Variants in TRPM3 observed in about 807,000 individuals in gnomAD.
The protein encoded by TRPM3 is transient receptor potential cation channel subfamily M member 3, also known as long transient receptor potential channel 3.
In TRPM3, 77 loss-of-function variants were observed where a neutral mutation model predicts 181.2. The observed-to-expected ratio is 0.42, with a 90% CI of 0.35 to 0.51. TRPM3 has a LOEUF of 0.51. TRPM3 is among the 20% of genes least tolerant of loss of function. The probability of loss-of-function intolerance (pLI) is 0.01; values close to 1 mark genes in which losing one functional copy is unlikely to be tolerated. For synonymous variants in TRPM3, 745 were observed against 796.4 expected, an observed-to-expected ratio of 0.94 and a Z score of 1.09; for missense variants, 1,759 against 2,196.7, an observed-to-expected ratio of 0.80 and a Z score of 3.98.
intron 22 of TRPM3, among the ~76,000 whole-genome samples, chr9:70,573,394 A>G (rs1588635720): frequency 1.3e-5 from 2 of 152,252 alleles, no homozygotes; most frequent in South Asian, 4.1e-4. Context: ...GTGTATTTAA[A>G]TGTAAAATGG....
intron 1 of TRPM3, among the ~76,000 whole-genome samples, chr9:71,065,882 A>T (rs1220994702): frequency 1.3e-5 from 2 of 152,172 alleles, no homozygotes; most frequent in East Asian, 3.8e-4. Context: ...CTAGAGACTG[A>T]TATGCTAGAA....
At chr9:71,096,590 A>ACACACACACACTCTCTCTCTCTCTCTCT (rs1452142664) in intron 1 of TRPM3, among the ~76,000 whole-genome samples, 3 of 90,044 alleles carry the variant, frequency 3.3e-5, no homozygotes, top group African/African-American at 1.5e-4. Context: ...ACACACACAC[A>ACACACACACACTCTCTCTCTCTCTCTCT]CTCTCTCTCT....
chr9:70,562,187 G>T (rs1347400307), intron 22 of TRPM3, among the ~76,000 whole-genome samples: 1 of 152,124 alleles, frequency 6.6e-6, no homozygotes, highest in Non-Finnish European at 1.5e-5. Context: ...TAGTGAATGG[G>T]GGTATGTGGT....
intron 1 of TRPM3, among the ~76,000 whole-genome samples, chr9:70,922,483 T>C (rs1337156110): frequency 6.6e-6 from 1 of 152,218 alleles, no homozygotes; most frequent in African/African-American, 2.4e-5. Context: ...AATTTATATC[T>C]TCATAAAGCT....
rs547766519 is a variant in TRPM3 at position 70,991,782 on chromosome 9, C to G, written c.178-127271G>C. 1.0e-3 allele frequency among the ~76,000 whole-genome samples: 159 copies of G among 152,112 alleles called. 2 individuals carry two copies. The highest frequency in any genetic ancestry group is 1.8e-3 in the Non-Finnish European group (125 of 68,008). On this transcript the variant is annotated intron_variant, in intron 1 of 25. Coordinates refer to ENST00000677713, the MANE Select transcript of TRPM3 (RefSeq NM_001366145.2). ...TAGAAGGCCTTCCGTGATCTCCAAG[C>G]CTCCCTCAGCTGCCTCATCACTGGT...
intron 1 of TRPM3, among the ~76,000 whole-genome samples, chr9:71,311,597 TACAAA>T (rs1447660878): frequency 6.6e-6 from 1 of 151,982 alleles, no homozygotes; most frequent in African/African-American, 2.4e-5. Flanking sequence ...CTTTTAATCT[TACAAA>T]ACAAAAGTAA....
At chr9:71,178,383 AG>A (rs2077221858) in intron 1 of TRPM3, among the ~76,000 whole-genome samples, 1 of 152,138 alleles carries the variant, frequency 6.6e-6, no homozygotes. Flanking sequence ...TTGAAATGAA[AG>A]GGGGAGTAAA....
At chr9:70,632,368 C>T (rs2066022567) in intron 12 of TRPM3, among the ~76,000 whole-genome samples, 1 of 152,220 alleles carries the variant, frequency 6.6e-6, no homozygotes, top group African/African-American at 2.4e-5. Context: ...TCATTTTCAG[C>T]TCCCTTAATC....
intron 1 of TRPM3, among the ~76,000 whole-genome samples, chr9:71,202,222 C>T (rs567848312): frequency 2.0e-5 from 3 of 152,162 alleles, no homozygotes; most frequent in African/African-American, 4.8e-5. Flanking sequence ...GGCCATGTGA[C>T]GTGTCAGTCT....
Position 70,843,072 on chromosome 9 carries a change from T to A in TRPM3, c.732A>T (p.Gly244=), listed in dbSNP as rs1190796193. 1 of 1,613,634 alleles carries A rather than the reference T, an allele frequency of 6.2e-7. No homozygotes were observed. ...GGGCAATACCTATGGTGCATATCTT[T>A]CCTCGAGACTTAGAGGCATGATCCT... ...ALKDHASKSR[G]KICTIGIAPW... The change falls in exon 5 of 26, where the codon GGA becomes GGT. Residue 244 remains glycine (G), a synonymous_variant. Transcript: ENST00000677713.
intron 3 of TRPM3, among the ~76,000 whole-genome samples, chr9:70,850,244 T>C (rs2095171018): frequency 6.6e-6 from 1 of 152,156 alleles, no homozygotes; most frequent in African/African-American, 2.4e-5. Flanking sequence ...TTCAGATATC[T>C]ATCAACAGAA....
intron 9 of TRPM3, among the ~76,000 whole-genome samples, chr9:70,654,539 T>A (rs1476112192): frequency 6.6e-6 from 1 of 151,948 alleles, no homozygotes; most frequent in Non-Finnish European, 1.5e-5. Context: ...CACTGTGGAG[T>A]CCTGCTCATG....
At chr9:70,759,812 A>G (rs2077750651) in intron 8 of TRPM3, among the ~76,000 whole-genome samples, 1 of 152,034 alleles carries the variant, frequency 6.6e-6, no homozygotes, top group African/African-American at 2.4e-5. Context: ...GGAGGGTAAC[A>G]TCGCACACCA....
chr9:71,315,462 T>C (rs1341660848), intron 1 of TRPM3, among the ~76,000 whole-genome samples: 1 of 152,144 alleles, frequency 6.6e-6, no homozygotes, highest in African/African-American at 2.4e-5. Flanking sequence ...GACACGAACT[T>C]ATCTTTCTAC....
At chr9:70,777,921 A>G (rs1331816108) in intron 7 of TRPM3, among the ~76,000 whole-genome samples, 1 of 152,130 alleles carries the variant, frequency 6.6e-6, no homozygotes, top group Non-Finnish European at 1.5e-5. Flanking sequence ...GGATTAATAT[A>G]TATACTTATG....
chr9:70,958,084 T>C (rs1278212387), intron 1 of TRPM3, among the ~76,000 whole-genome samples: 2 of 152,182 alleles, frequency 1.3e-5, no homozygotes, highest in Non-Finnish European at 2.9e-5. Flanking sequence ...AAGAGATGGA[T>C]GATCTAAGGT....
intron 1 of TRPM3, among the ~76,000 whole-genome samples, chr9:71,270,175 C>T (rs1565404985): frequency 6.6e-6 from 1 of 152,122 alleles, no homozygotes; most frequent in Non-Finnish European, 1.5e-5. Context: ...CGTGGGGAAA[C>T]CCCGTCTCTA....
At chr9:70,824,176 C>T (rs1007789711) in intron 6 of TRPM3, among the ~76,000 whole-genome samples, 1 of 152,064 alleles carries the variant, frequency 6.6e-6, no homozygotes, top group Non-Finnish European at 1.5e-5. Flanking sequence ...CTACAGTATG[C>T]AGGTCACCCC....
At chr9:71,313,255 AT>A (rs201390443) in intron 1 of TRPM3, among the ~76,000 whole-genome samples, 3,855 of 152,194 alleles carry the variant, frequency 0.025, 73 homozygotes, top group Non-Finnish European at 0.039. Flanking sequence ...AACACTAAAA[AT>A]TTTTTAAGTA....
Sources: allele counts gnomAD v4.1 joint callset (sites outside exome capture counted in the v4.1 genomes callset), GRCh38; gene constraint gnomAD v4.1.1; transcripts MANE v1.5; gene names NCBI Gene and HGNC (gene_info 2026-07-23, HGNC 2026-07-21).